The following PDS5B variants were observed in gnomAD, a reference collection of about 807,000 sequenced individuals.
PDS5B encodes the protein PDS5 cohesin associated factor B, also known as sister chromatid cohesion protein PDS5 homolog B.
A neutral mutation model predicts 184.1 loss-of-function variants in PDS5B; 51 were observed. The ratio of observed to expected loss-of-function variants is 0.28; its 90% CI spans 0.22 to 0.35. The LOEUF is 0.35. PDS5B is among the 10% of genes least tolerant of loss of function. PDS5B has a pLI of 1.00. For missense variants in PDS5B, 1,180 were observed against 1,723.3 expected, an observed-to-expected ratio of 0.68 and a Z score of 5.58; for synonymous variants, 566 against 569.2, an observed-to-expected ratio of 0.99 and a Z score of 0.08.
chr13:32,635,394 A>C (rs542199762), intron 1 of PDS5B, among the ~76,000 whole-genome samples: 60 of 128,410 alleles, frequency 4.7e-4, no homozygotes, highest in African/African-American at 1.8e-3. Context: ...GCCAGGCTGG[A>C]GTGCAGTGGC....
intron 10 of PDS5B, among the ~76,000 whole-genome samples, chr13:32,680,294 C>T (rs1855209068): frequency 6.6e-6 from 1 of 152,118 alleles, no homozygotes; most frequent in South Asian, 2.1e-4. Context: ...GAATAAAAAG[C>T]TGTAAACTAT....
intron 1 of PDS5B, among the ~76,000 whole-genome samples, chr13:32,598,999 T>C (rs1050228966): frequency 2.6e-5 from 4 of 152,110 alleles, no homozygotes; most frequent in Non-Finnish European, 4.4e-5. Context: ...CTCGATCTCC[T>C]GACCTCGTGA....
chr13:32,749,785 A>G (rs553297339), intron 24 of PDS5B, among the ~76,000 whole-genome samples: 1 of 152,168 alleles, frequency 6.6e-6, no homozygotes, highest in South Asian at 2.1e-4. Context: ...ACTAAAATTA[A>G]TTTTATAGTC....
chr13:32,587,999 A>G (rs981019665), intron 1 of PDS5B, among the ~76,000 whole-genome samples: 8 of 152,222 alleles, frequency 5.3e-5, no homozygotes, highest in African/African-American at 1.9e-4. Flanking sequence ...GAACGGCAGT[A>G]TAGTCATTGT....
intron 2 of PDS5B, among the ~76,000 whole-genome samples, 191 bp from the exon 3 acceptor site, chr13:32,651,613 T>C (rs1481110687): frequency 2.0e-5 from 3 of 152,204 alleles, no homozygotes; most frequent in Non-Finnish European, 4.4e-5. Context: ...AAAAATATTT[T>C]AGTAAGTCTT....
intron 18 of PDS5B, among the ~76,000 whole-genome samples, chr13:32,708,959 T>C (rs1246940070): frequency 6.6e-6 from 1 of 152,148 alleles, no homozygotes. Flanking sequence ...TTAAAAATAC[T>C]GTTCAAGTTC....
At chr13:32,600,690 G>A (rs1223688044) in intron 1 of PDS5B, among the ~76,000 whole-genome samples, 1 of 152,240 alleles carries the variant, frequency 6.6e-6, no homozygotes, top group Non-Finnish European at 1.5e-5. Flanking sequence ...AGTGAGCCGA[G>A]ATCGTGCCAC....
intron 1 of PDS5B, among the ~76,000 whole-genome samples, chr13:32,602,845 C>T (rs2057999462): frequency 6.6e-6 from 1 of 152,054 alleles, no homozygotes; most frequent in Non-Finnish European, 1.5e-5. Flanking sequence ...CTCTGATGGC[C>T]AGTGATGAGC....
chr13:32,608,400 T>G (rs1353318541), intron 1 of PDS5B, among the ~76,000 whole-genome samples: 2 of 152,188 alleles, frequency 1.3e-5, no homozygotes, highest in Non-Finnish European at 2.9e-5. Flanking sequence ...AAATTACACT[T>G]CCATCTCTGT....
At chr13:32,658,170 T>G (rs1453930257) in intron 3 of PDS5B, 69 bp from the exon 4 acceptor site, 7 of 761,080 alleles carry the variant, frequency 9.2e-6, no homozygotes, top group Non-Finnish European at 1.6e-5. Context: ...GAATAAACTC[T>G]TGGAGTTTCA....
intron 17 of PDS5B, among the ~76,000 whole-genome samples, chr13:32,706,214 G>A (rs1952005844): frequency 6.6e-6 from 1 of 151,672 alleles, no homozygotes; most frequent in African/African-American, 2.4e-5. Context: ...GGAGGCGGAG[G>A]TTGCAGTGAA....
intron 1 of PDS5B, among the ~76,000 whole-genome samples, chr13:32,617,036 C>A (rs1397958139): frequency 6.6e-6 from 1 of 152,046 alleles, no homozygotes; most frequent in Admixed American, 6.6e-5. Flanking sequence ...ACAGTCTTTG[C>A]GTAGAGAACT....
chr13:32,753,421 C>T lies in PDS5B; in HGVS notation c.2826C>T (p.Ile942=). The part of the protein sequence containing the change: ...RLRLPLEYMA[I]CALCAKDPVK... ...GGCTTCCACTTGAGTATATGGCAAT[C>T]TGTGCCCTTTGTGCAAAAGATCCTG... The change falls in exon 25 of 35, where the codon ATC becomes ATT. Residue 942 remains isoleucine, a synonymous_variant. Coordinates refer to ENST00000315596, the MANE Select transcript of PDS5B (RefSeq NM_015032.4). The T allele has an allele frequency of 6.2e-7, 1 of 1,613,888 alleles. No individual in the cohort carries two copies. The highest frequency in any genetic ancestry group is 1.1e-5 in the South Asian group (1 of 91,066).
intron 19 of PDS5B, among the ~76,000 whole-genome samples, chr13:32,722,662 C>T (rs1952759059): frequency 6.6e-6 from 1 of 152,146 alleles, no homozygotes; most frequent in Admixed American, 6.5e-5. Flanking sequence ...GTATTTTAAA[C>T]AAATTAATAC....
chr13:32,652,210 A>T, intron 3 of PDS5B: 1 of 471,376 alleles, frequency 2.1e-6, no homozygotes, highest in Non-Finnish European at 3.7e-6. Flanking sequence ...GAAGTAGATT[A>T]ATACAGTGTG....
chr13:32,713,913 T>A (rs764114560), intron 19 of PDS5B, among the ~76,000 whole-genome samples: 1 of 152,176 alleles, frequency 6.6e-6, no homozygotes, highest in African/African-American at 2.4e-5. Context: ...GCCCCGATAA[T>A]CATGTAGGTT....
chr13:32,640,107 T>G (rs2058632778), intron 1 of PDS5B, among the ~76,000 whole-genome samples: 2 of 152,232 alleles, frequency 1.3e-5, no homozygotes, highest in African/African-American at 4.8e-5. Context: ...CTATGAACAT[T>G]TATTTATGTC....
intron 31 of PDS5B, among the ~76,000 whole-genome samples, chr13:32,769,564 A>G (rs1263742048): frequency 1.3e-5 from 2 of 152,222 alleles, no homozygotes; most frequent in Non-Finnish European, 2.9e-5. Context: ...AGTTATACCT[A>G]GAAAGAAGCA....
intron 1 of PDS5B, among the ~76,000 whole-genome samples, chr13:32,636,774 T>A (rs780571682): frequency 4.6e-5 from 7 of 152,186 alleles, no homozygotes; most frequent in Non-Finnish European, 1.0e-4. Context: ...GGAAACACAT[T>A]AGAGAATTTG....
Sources: allele counts gnomAD v4.1 joint callset (sites outside exome capture counted in the v4.1 genomes callset), GRCh38; gene constraint gnomAD v4.1.1; transcripts MANE v1.5; gene names NCBI Gene and HGNC (gene_info 2026-07-23, HGNC 2026-07-21).